Variants in CMSS1 observed in about 807,000 individuals in gnomAD.
CMSS1 encodes protein CMSS1.
In CMSS1, 33 loss-of-function variants were observed where a neutral mutation model predicts 43.5. The observed-to-expected ratio is 0.76, with a 90% CI of 0.57 to 1.01. CMSS1 has a LOEUF of 1.01. CMSS1 is among the 50% of genes least tolerant of loss of function. The pLI is 0.00. For missense variants in CMSS1, 313 were observed against 326.4 expected, an observed-to-expected ratio of 0.96 and a Z score of 0.32; for synonymous variants, 115 against 117.2, an observed-to-expected ratio of 0.98 and a Z score of 0.12.
chr3:99,922,959 C>T (rs1707170551), intron 1 of CMSS1, among the ~76,000 whole-genome samples: 1 of 152,146 alleles, frequency 6.6e-6, no homozygotes, highest in Non-Finnish European at 1.5e-5. Flanking sequence ...GTATTTTCTT[C>T]ATTGCCAAAT....
At chr3:99,921,352 T>A (rs1707118608) in intron 1 of CMSS1, among the ~76,000 whole-genome samples, 1 of 152,164 alleles carries the variant, frequency 6.6e-6, no homozygotes, top group Non-Finnish European at 1.5e-5. Flanking sequence ...ACTACTTTGA[T>A]GCACATGGCC....
chr3:100,067,582 T>C (rs971391890), intron 1 of CMSS1, among the ~76,000 whole-genome samples: 3 of 152,224 alleles, frequency 2.0e-5, no homozygotes, highest in Admixed American at 2.0e-4. Flanking sequence ...TACAGGTTTA[T>C]TTAATGTAAA....
At chr3:100,168,220 A>T (rs1352732459) in intron 6 of CMSS1, among the ~76,000 whole-genome samples, 1 of 152,212 alleles carries the variant, frequency 6.6e-6, no homozygotes, top group African/African-American at 2.4e-5. Flanking sequence ...GAGTAAGCAC[A>T]AAAGACCCCA....
At chr3:99,883,072 A>T (rs187110487) in intron 1 of CMSS1, among the ~76,000 whole-genome samples, 1 of 152,250 alleles carries the variant, frequency 6.6e-6, no homozygotes, top group Admixed American at 6.5e-5. Context: ...AGTCTACATC[A>T]TAAAATGCAG....
At chr3:99,860,254 A>G (rs540084449) in intron 1 of CMSS1, among the ~76,000 whole-genome samples, 73 of 152,326 alleles carry the variant, frequency 4.8e-4, no homozygotes, top group Non-Finnish European at 9.6e-4. Flanking sequence ...TATGGTAAAA[A>G]TGGTATACTG....
intron 1 of CMSS1, among the ~76,000 whole-genome samples, chr3:100,050,869 A>G (rs1373816588): frequency 6.6e-6 from 1 of 152,128 alleles, no homozygotes; most frequent in South Asian, 2.1e-4. Flanking sequence ...TAACTTTGGA[A>G]GATAACTCTG....
At chr3:100,004,387 G>A (rs1368604554) in intron 1 of CMSS1, among the ~76,000 whole-genome samples, 1 of 152,116 alleles carries the variant, frequency 6.6e-6, no homozygotes, top group Non-Finnish European at 1.5e-5. Flanking sequence ...ATACTGAGAA[G>A]ATCAAATATT....
intron 1 of CMSS1, among the ~76,000 whole-genome samples, chr3:99,859,724 C>A (rs1042716147): frequency 2.0e-5 from 3 of 152,122 alleles, no homozygotes; most frequent in African/African-American, 7.2e-5. Flanking sequence ...TAGCAGTTTG[C>A]AGAGTAATTA....
At position 100,008,793 on chromosome 3, in the gene CMSS1, G is replaced by T. The variant is rs148024111; in HGVS notation, c.65-138180G>T. Among the ~76,000 whole-genome samples, 92 of 152,198 alleles carry T rather than the reference G, an allele frequency of 6.0e-4. No individual in the cohort carries two copies. The Middle Eastern group carries it at 0.017, about 28-fold the overall frequency. On this transcript the variant is annotated intron_variant, in intron 1 of 9. Transcript: ENST00000421999. ...TCTTGCTCTGGCCCTTGTATTTTGC[G>T]TGCAGAAATAGCATAATGTCATCAA...
chr3:99,995,942 A>T (rs1462491712), intron 1 of CMSS1, among the ~76,000 whole-genome samples: 1 of 151,720 alleles, frequency 6.6e-6, no homozygotes, highest in Non-Finnish European at 1.5e-5. Flanking sequence ...TTGTGTGAAG[A>T]CCTCTGACAT....
chr3:99,891,185 C>T (rs1015422244), intron 1 of CMSS1, among the ~76,000 whole-genome samples: 2 of 151,904 alleles, frequency 1.3e-5, no homozygotes, highest in African/African-American at 2.4e-5. Flanking sequence ...TCATGGAAAG[C>T]AGTTTTCCTT....
At chr3:99,991,834 A>ATG (rs1374667949) in intron 1 of CMSS1, among the ~76,000 whole-genome samples, 1,085 of 84,474 alleles carry the variant, frequency 0.013, 12 homozygotes, top group African/African-American at 0.039. Context: ...GTATATATAT[A>ATG]TATGTGTGTG....
At chr3:100,058,428 ACACATAGTTAAGTGAGG>A (rs1468225525) in intron 1 of CMSS1, among the ~76,000 whole-genome samples, 7 of 152,194 alleles carry the variant, frequency 4.6e-5, no homozygotes, top group Admixed American at 2.0e-4. Context: ...AGAAAAGTTG[ACACATAGTTAAGTGAGG>A]CACAAGTCTG....
chr3:100,162,365 GA>G lies in CMSS1; in HGVS notation c.290del (p.Lys97SerfsTer2). The G allele has an allele frequency of 6.2e-7, 1 of 1,613,656 alleles. No homozygotes were observed. The highest frequency in any genetic ancestry group is 2.2e-5 in the East Asian group (1 of 44,874). On this transcript the variant is annotated frameshift_variant, in exon 4 of 10. Coordinates refer to ENST00000421999, the MANE Select transcript of CMSS1 (RefSeq NM_032359.4). LOFTEE classifies it high-confidence loss of function. ...PKPGLPEDLQKLMKDYYSSRR... is the reference protein window; with the variant it reads ...PKPGLPEDLQXLMKDYYSSRR... ...AACCAGGGTTACCTGAAGACCTACA[GA>G]AGCTGATGAAGGACTATTATAGCAG...
intron 1 of CMSS1, among the ~76,000 whole-genome samples, chr3:100,042,671 T>C (rs531254024): frequency 7.9e-5 from 12 of 152,232 alleles, no homozygotes; most frequent in Non-Finnish European, 1.3e-4. Context: ...TTGCCTTTTA[T>C]GGAGAACATG....
intron 1 of CMSS1, among the ~76,000 whole-genome samples, chr3:99,965,119 G>A (rs1445419395): frequency 6.6e-6 from 1 of 152,158 alleles, no homozygotes; most frequent in Non-Finnish European, 1.5e-5. Flanking sequence ...ATTGGTCCAG[G>A]AAAATGTTTT....
intron 1 of CMSS1, among the ~76,000 whole-genome samples, chr3:99,916,626 T>TTA (rs1706963673): frequency 6.6e-6 from 1 of 152,208 alleles, no homozygotes; most frequent in African/African-American, 2.4e-5. Context: ...CTATCATTTT[T>TTA]TAAACAGATG....
chr3:100,054,132 T>C (rs1353425503), intron 1 of CMSS1, among the ~76,000 whole-genome samples: 1 of 152,212 alleles, frequency 6.6e-6, no homozygotes, highest in East Asian at 1.9e-4. Context: ...GCTTTCAAGA[T>C]AGCATGTAGT....
At chr3:100,030,237 A>G (rs2065001264) in intron 1 of CMSS1, among the ~76,000 whole-genome samples, 1 of 152,048 alleles carries the variant, frequency 6.6e-6, no homozygotes, top group African/African-American at 2.4e-5. Flanking sequence ...TTTTGACTGT[A>G]TAGTATTGGA....
Sources: allele counts gnomAD v4.1 joint callset (sites outside exome capture counted in the v4.1 genomes callset), GRCh38; gene constraint gnomAD v4.1.1; transcripts MANE v1.5; gene names NCBI Gene and HGNC (gene_info 2026-07-23, HGNC 2026-07-21).